Variants in KCTD16 observed in about 807,000 individuals in gnomAD.
KCTD16 encodes the protein BTB/POZ domain-containing protein KCTD16.
In KCTD16, 13 loss-of-function variants were observed where a neutral mutation model predicts 33.2. The ratio of observed to expected loss-of-function variants is 0.39; its 90% CI spans 0.25 to 0.62. The LOEUF (loss-of-function observed/expected upper bound fraction) is 0.62, where lower values mean the gene tolerates loss of function less well. Ranked by LOEUF, KCTD16 falls within the 20% of genes least tolerant of loss-of-function variation. KCTD16 has a pLI of 0.50. For synonymous variants in KCTD16, 197 were observed against 195.3 expected, an observed-to-expected ratio of 1.01 and a Z score of -0.07; for missense variants, 441 against 525.1, an observed-to-expected ratio of 0.84 and a Z score of 1.57.
intron 2 of KCTD16, among the ~76,000 whole-genome samples, chr5:144,190,994 C>T (rs959986329): frequency 6.6e-6 from 1 of 152,228 alleles, no homozygotes; most frequent in African/African-American, 2.4e-5. Flanking sequence ...CACTGATTGT[C>T]GTTAATGTGC....
At chr5:144,293,512 ACTCT>A (rs1471134504) in intron 3 of KCTD16, among the ~76,000 whole-genome samples, 1 of 152,100 alleles carries the variant, frequency 6.6e-6, no homozygotes, top group Non-Finnish European at 1.5e-5. Flanking sequence ...TTATGGCATT[ACTCT>A]CTCTGACCAT....
At chr5:144,285,974 T>C (rs1205771762) in intron 3 of KCTD16, among the ~76,000 whole-genome samples, 1 of 151,794 alleles carries the variant, frequency 6.6e-6, no homozygotes, top group African/African-American at 2.4e-5. Flanking sequence ...TTTTTTTTTT[T>C]TTTTTTTCAG....
chr5:144,290,426 T>A (rs1041983979), intron 3 of KCTD16, among the ~76,000 whole-genome samples: 1 of 152,242 alleles, frequency 6.6e-6, no homozygotes, highest in Non-Finnish European at 1.5e-5. Flanking sequence ...AAAATTATTC[T>A]TTTTGTATTG....
At chr5:144,310,927 G>A (rs114679478) in intron 3 of KCTD16, among the ~76,000 whole-genome samples, 196 of 152,240 alleles carry the variant, frequency 1.3e-3, no homozygotes, top group South Asian at 5.8e-3. Flanking sequence ...TACATTATCC[G>A]CAGTGCTAAG....
At chr5:144,472,003 T>C (rs1347917135) in intron 3 of KCTD16, among the ~76,000 whole-genome samples, 6 of 152,218 alleles carry the variant, frequency 3.9e-5, no homozygotes. Flanking sequence ...GAACAGACTT[T>C]ATACAAGAAG....
At chr5:144,200,063 A>G (rs903828991) in intron 2 of KCTD16, among the ~76,000 whole-genome samples, 1 of 152,174 alleles carries the variant, frequency 6.6e-6, no homozygotes, top group African/African-American at 2.4e-5. Context: ...ACACTCACAT[A>G]CATGCACACC....
chr5:144,209,607 G>T (rs1313428358), intron 3 of KCTD16, among the ~76,000 whole-genome samples: 1 of 151,762 alleles, frequency 6.6e-6, no homozygotes, highest in Non-Finnish European at 1.5e-5. Context: ...CCGTGCAGCT[G>T]CTTAGCCATA....
intron 2 of KCTD16, among the ~76,000 whole-genome samples, chr5:144,175,499 T>C (rs899441910): frequency 1.3e-5 from 2 of 152,230 alleles, no homozygotes; most frequent in Admixed American, 1.3e-4. Context: ...TGTATATATA[T>C]TCAAGTTGAT....
intron 3 of KCTD16, among the ~76,000 whole-genome samples, chr5:144,359,171 C>T (rs1001396524): frequency 6.6e-6 from 1 of 152,204 alleles, no homozygotes; most frequent in Non-Finnish European, 1.5e-5. Flanking sequence ...CAGGTGCCTA[C>T]TGTGCCCTGT....
intron 3 of KCTD16, among the ~76,000 whole-genome samples, chr5:144,302,149 G>T (rs1308752426): frequency 6.6e-6 from 1 of 152,140 alleles, no homozygotes; most frequent in African/African-American, 2.4e-5. Context: ...CAGCTTTTCT[G>T]ACCCCAGAGC....
In KCTD16 at chr5:144,478,258, C is replaced by G. The variant is rs1011325566; in HGVS notation, c.*4144C>G. 2.6e-5 allele frequency: 4 copies of G among 151,922 alleles called. No homozygotes were observed. Among genetic ancestry groups the G allele is most frequent in the African/African-American group, 7.2e-5 (3 of 41,382 alleles). 9.4% of individuals were successfully genotyped at this position (151,922 alleles called of 1,614,324 possible). A position where few individuals can be genotyped will look rare whatever the true frequency, so the allele number is the denominator to read the frequency against. ...ATTAATATCTGCAGAGAAATTAGAC[C>G]AAATGAAACCTGCTGGAATAGGTTT... On this transcript the variant is annotated 3_prime_UTR_variant, in exon 4 of 4. Transcript: ENST00000512467.
At chr5:144,254,231 G>T (rs1470781271) in intron 3 of KCTD16, among the ~76,000 whole-genome samples, 1 of 152,032 alleles carries the variant, frequency 6.6e-6, no homozygotes, top group Admixed American at 6.6e-5. Context: ...TCCACCCCCG[G>T]GTTCATGCCA....
intron 3 of KCTD16, among the ~76,000 whole-genome samples, chr5:144,247,291 A>G (rs568653199): frequency 1.1e-4 from 16 of 152,340 alleles, no homozygotes; most frequent in South Asian, 4.1e-4. Context: ...TTACTGAAAC[A>G]CTTCCTCTGG....
At chr5:144,356,873 G>C (rs1751582961) in intron 3 of KCTD16, among the ~76,000 whole-genome samples, 2 of 150,722 alleles carry the variant, frequency 1.3e-5, no homozygotes, top group African/African-American at 4.9e-5. Context: ...CCCCTCTCTT[G>C]TCTTCATTTT....
intron 3 of KCTD16, among the ~76,000 whole-genome samples, chr5:144,414,933 C>A (rs962069244): frequency 6.6e-6 from 1 of 152,176 alleles, no homozygotes; most frequent in East Asian, 1.9e-4. Flanking sequence ...TTAGCTGATC[C>A]TCATACAAAT....
At chr5:144,171,371 G>A (rs1012600713) in intron 1 of KCTD16, among the ~76,000 whole-genome samples, 1 of 152,170 alleles carries the variant, frequency 6.6e-6, no homozygotes, top group Non-Finnish European at 1.5e-5. Context: ...AGGGAAAATA[G>A]CCTGAATATT....
At chr5:144,371,201 G>A (rs974140540) in intron 3 of KCTD16, among the ~76,000 whole-genome samples, 7 of 151,994 alleles carry the variant, frequency 4.6e-5, no homozygotes, top group African/African-American at 1.7e-4. Flanking sequence ...CAACAAAGAT[G>A]GGCGTACTAA....
At chr5:144,300,064 G>A (rs1751388523) in intron 3 of KCTD16, among the ~76,000 whole-genome samples, 1 of 152,048 alleles carries the variant, frequency 6.6e-6, no homozygotes, top group Admixed American at 6.5e-5. Flanking sequence ...AACCAGTTGA[G>A]CCTAGTAGCT....
rs117644296 is a variant in KCTD16, at chr5:144,380,681, A to T, written c.833-92979A>T. Among the ~76,000 whole-genome samples the T allele has an allele frequency of 1.3e-3, 202 of 152,240 alleles. 4 individuals carry two copies. In the East Asian group the frequency reaches 0.037, roughly 28 times the overall value. On this transcript the variant is annotated intron_variant, in intron 3 of 3. Transcript: ENST00000512467. ...GAACAGGTTACAGAACAACTATATG[A>T]TCTTCAACAAAGTCAACAACAACAA...
Sources: gnomAD v4.1 joint callset for allele counts (sites outside exome capture counted in the v4.1 genomes callset) on GRCh38, gnomAD v4.1.1 for gene constraint, MANE v1.5 for transcripts, NCBI Gene and HGNC (gene_info 2026-07-23, HGNC 2026-07-21) for gene names.